Variants in ABCA9 observed in about 807,000 individuals in gnomAD.
ABCA9 encodes the protein ATP-binding cassette sub-family A member 9.
In ABCA9, 183 loss-of-function variants were observed where a neutral mutation model predicts 205.3. The observed-to-expected ratio is 0.89, with a 90% CI of 0.79 to 1.01. ABCA9 has a LOEUF of 1.01. Ranked by LOEUF, ABCA9 falls within the 50% of genes least tolerant of loss-of-function variation. The probability of loss-of-function intolerance (pLI) is 0.00; values close to 1 mark genes in which losing one functional copy is unlikely to be tolerated. For missense variants in ABCA9, 1,805 were observed against 1,912.4 expected, an observed-to-expected ratio of 0.94 and a Z score of 1.05; for synonymous variants, 651 against 683.3, an observed-to-expected ratio of 0.95 and a Z score of 0.74.
At chr17:69,057,208 T>C (rs1277597915) in intron 1 of ABCA9, among the ~76,000 whole-genome samples, 2 of 152,170 alleles carry the variant, frequency 1.3e-5, no homozygotes, top group East Asian at 3.8e-4. Flanking sequence ...ATCAGCCAAA[T>C]AGAGATAAAC....
rs749255339 is a variant in ABCA9, at chr17:68,995,907, GAATA to G, written c.3539_3542del (p.Leu1180ProfsTer14). The G allele has an allele frequency of 1.2e-6, 2 of 1,613,466 alleles. No homozygotes were observed. The highest frequency in any genetic ancestry group is 1.3e-5 in the African/African-American group (1 of 74,904). On this transcript the variant is annotated frameshift_variant, in exon 26 of 39. Transcript: ENST00000340001. LOFTEE classifies it high-confidence loss of function. Reference sequence around the variant, plus strand: ...TGGAACTACTTACCTCAGAAAAAATGAATAGAGAGCCAATCAATGTGAAGGGAGG... The same window carrying G: ...TGGAACTACTTACCTCAGAAAAAATGGAGAGCCAATCAATGTGAAGGGAGG...
intron 18 of ABCA9, chr17:69,020,858 G>GA (rs766714340): frequency 2.1e-4 from 65 of 305,050 alleles, no homozygotes; most frequent in Non-Finnish European, 2.9e-4. Context: ...GGAAATCAAT[G>GA]AAAAAAAACT....
chr17:68,983,895 G>A, intron 35 of ABCA9, 46 bp from the exon 36 acceptor site: 1 of 1,613,088 alleles, frequency 6.2e-7, no homozygotes, highest in Non-Finnish European at 8.5e-7. Context: ...AGAGAAAAAT[G>A]TATGGCTTGT....
chr17:69,038,639 C>G (rs905098390), intron 6 of ABCA9, among the ~76,000 whole-genome samples: 3 of 152,124 alleles, frequency 2.0e-5, no homozygotes, highest in African/African-American at 7.2e-5. Context: ...CAGAAACATT[C>G]TCTTTGAAAA....
intron 24 of ABCA9, 49 bp downstream of exon 24, chr17:69,008,013 T>G: frequency 6.5e-7 from 1 of 1,529,654 alleles, no homozygotes; most frequent in Non-Finnish European, 9.0e-7. Context: ...ATTACTGCAT[T>G]CATGAAAAAA....
intron 21 of ABCA9, 119 bp from the exon 22 acceptor site, chr17:69,016,509 G>T: frequency 1.2e-6 from 1 of 841,966 alleles, no homozygotes; most frequent in Non-Finnish European, 1.7e-6. Context: ...AGCACTGAAT[G>T]TGATTAATAT....
At chr17:69,052,204 C>G (rs1374398241) in intron 1 of ABCA9, among the ~76,000 whole-genome samples, 1 of 152,044 alleles carries the variant, frequency 6.6e-6, no homozygotes, top group Non-Finnish European at 1.5e-5. Context: ...GACCCCATCT[C>G]TATTTTTAAA....
In ABCA9 at chr17:69,020,387, C is replaced by T. The variant is rs2070771036; in HGVS notation, c.2600+1G>A. The T allele has an allele frequency of 6.2e-7, 1 of 1,610,696 alleles. No homozygotes were observed. The highest frequency in any genetic ancestry group is 1.7e-5 in the Admixed American group (1 of 59,280). On this transcript the variant is annotated splice_donor_variant, in intron 19 of 38. Coordinates refer to ENST00000340001, the MANE Select transcript of ABCA9 (RefSeq NM_080283.4). LOFTEE classifies it high-confidence loss of function. The stretch of plus-strand genomic sequence containing the variant: ...CAAATCTGAAACACTCAGATACTCA[C>T]ATAGTCCACAGGCTTTTTCTTTCTT...
intron 12 of ABCA9, among the ~76,000 whole-genome samples, chr17:69,028,294 G>C (rs1440444444): frequency 1.3e-5 from 2 of 152,138 alleles, no homozygotes; most frequent in Non-Finnish European, 2.9e-5. Flanking sequence ...AGTCTCCTGA[G>C]TGGCTGGGCC....
rs1235150733 is a variant in ABCA9, at chr17:69,008,278, T to G, written c.3148-43A>C. On this transcript the variant is annotated intron_variant, in intron 23 of 38. Transcript: ENST00000340001. ...GAATCATCAAAAGGTTCTGAAGAGC[T>G]GAAGTTTGGGAAATTGCAAATATAC... 2.5e-6 allele frequency: 4 copies of G among 1,568,818 alleles called. No individual in the cohort carries two copies. The African/African-American group carries it at 5.5e-5, about 22-fold the overall frequency.
intron 4 of ABCA9, 68 bp downstream of exon 4, chr17:69,045,104 T>C: frequency 1.5e-6 from 2 of 1,344,698 alleles, no homozygotes; most frequent in Non-Finnish European, 2.1e-6. Flanking sequence ...ACCTCTGCTA[T>C]CAGGTATGCC....
chr17:68,992,211 C>A lies in ABCA9; in HGVS notation c.3680G>T (p.Cys1227Phe). 6.2e-7 allele frequency: 1 copy of A among 1,600,542 alleles called. No individual in the cohort carries two copies. The change falls in exon 28 of 39, where the codon TGC becomes TTC. Residue 1227 changes from cysteine to phenylalanine, a missense_variant. Coordinates refer to ENST00000340001, the MANE Select transcript of ABCA9 (RefSeq NM_080283.4). Reference sequence around the variant, plus strand: ...ATCCTTTCTCATTAGTTTCTTCCTGCAGTTCATTTCTAGGCATCGCAGAAT... The same window carrying A: ...ATCCTTTCTCATTAGTTTCTTCCTGAAGTTCATTTCTAGGCATCGCAGAAT... ...LFILRCLEMN[C>F]RKKLMRKDPV...
intron 37 of ABCA9, among the ~76,000 whole-genome samples, chr17:68,980,003 C>A (rs942105340): frequency 4.7e-4 from 72 of 152,246 alleles, no homozygotes; most frequent in African/African-American, 1.7e-3. Flanking sequence ...AGGCAACCTA[C>A]AGAATGGGAG....
At chr17:69,064,271 C>G (rs113158074), upstream of ABCA9, among the ~76,000 whole-genome samples, 7 of 152,074 alleles carry the variant, frequency 4.6e-5, no homozygotes, top group African/African-American at 1.7e-4. Context: ...CCTTTTTCCC[C>G]AACTATCATC....
At chr17:69,041,836 T>A (rs915891002) in intron 6 of ABCA9, among the ~76,000 whole-genome samples, 3 of 152,108 alleles carry the variant, frequency 2.0e-5, no homozygotes, top group Admixed American at 6.6e-5. Flanking sequence ...ACTTTCATCA[T>A]AAACCAAAGA....
chr17:69,024,083 G>C, intron 17 of ABCA9, 131 bp downstream of exon 17: 2 of 984,376 alleles, frequency 2.0e-6, no homozygotes, highest in Non-Finnish European at 3.0e-6. Context: ...CTTGGAGTTG[G>C]GAATATTAAA....
intron 7 of ABCA9, 38 bp downstream of exon 7, chr17:69,035,618 GAGAA>G (rs1292205468): frequency 3.1e-6 from 5 of 1,604,360 alleles, no homozygotes; most frequent in Non-Finnish European, 4.3e-6. Flanking sequence ...AGTAGAGAGA[GAGAA>G]AGAGAATAAA....
chr17:69,062,194 AGGTT>A (rs917567980), upstream of ABCA9, among the ~76,000 whole-genome samples: 24 of 152,120 alleles, frequency 1.6e-4, no homozygotes, highest in East Asian at 5.8e-4. Context: ...AAAAGGTTAT[AGGTT>A]GGTTGATTTT....
intron 34 of ABCA9, 98 bp downstream of exon 34, chr17:68,984,787 T>A: frequency 6.7e-7 from 1 of 1,498,358 alleles, no homozygotes; most frequent in South Asian, 1.2e-5. Flanking sequence ...CTTTTCCTGA[T>A]ACTGTGTCTT....
Sources: allele counts gnomAD v4.1 joint callset (sites outside exome capture counted in the v4.1 genomes callset), GRCh38; gene constraint gnomAD v4.1.1; transcripts MANE v1.5; gene names NCBI Gene and HGNC (gene_info 2026-07-23, HGNC 2026-07-21).